LMO7: variants seen among roughly 807,000 people sequenced by gnomAD.
The protein encoded by LMO7 is LIM domain 7, also known as LIM domain only protein 7.
A neutral mutation model predicts 206.5 loss-of-function variants in LMO7; 120 were observed. That is an observed-to-expected ratio of 0.58 (90% CI 0.50 to 0.68). The LOEUF is 0.68. LMO7 is among the 30% of genes least tolerant of loss of function. LMO7 has a pLI of 0.00. For missense variants in LMO7, 1,959 were observed against 1,957.9 expected (o/e 1.00, Z -0.01); for synonymous variants, 706 against 681.5 (o/e 1.04, Z -0.56).
At chr13:75,709,338 G>A (rs61958144) in intron 1 of LMO7, among the ~76,000 whole-genome samples, 99 of 151,958 alleles carry the variant, frequency 6.5e-4, no homozygotes, top group African/African-American at 2.3e-3. Context: ...GGGTCAAATG[G>A]TATTTCTACT....
chr13:75,644,230 T>A (rs1307188233), intron 1 of LMO7, among the ~76,000 whole-genome samples: 3 of 152,148 alleles, frequency 2.0e-5, no homozygotes, highest in Non-Finnish European at 4.4e-5. Flanking sequence ...GCAAGTGCAT[T>A]ATACCCACAT....
intron 3 of LMO7, among the ~76,000 whole-genome samples, chr13:75,738,314 G>A (rs1251258246): frequency 3.9e-5 from 6 of 152,214 alleles, no homozygotes; most frequent in Admixed American, 2.0e-4. Context: ...TTCGGTGTCA[G>A]GGCAATGGAT....
chr13:75,666,201 T>C (rs1676033078), intron 1 of LMO7, among the ~76,000 whole-genome samples: 1 of 152,226 alleles, frequency 6.6e-6, no homozygotes, highest in Non-Finnish European at 1.5e-5. Context: ...GTTTAACCCA[T>C]TTATGCCTAG....
At chr13:75,716,651 A>G (rs1209115597) in intron 2 of LMO7, among the ~76,000 whole-genome samples, 4 of 152,078 alleles carry the variant, frequency 2.6e-5, no homozygotes, top group Non-Finnish European at 4.4e-5. Flanking sequence ...GTGTTCATTA[A>G]TCTGTCTTCT....
chr13:75,822,572 T>C (rs978132022), intron 14 of LMO7, among the ~76,000 whole-genome samples: 1 of 151,670 alleles, frequency 6.6e-6, no homozygotes, highest in Non-Finnish European at 1.5e-5. Context: ...GGGATTCAAA[T>C]GTCTGGTAAC....
chr13:75,803,566 A>G (rs565831139), intron 7 of LMO7, among the ~76,000 whole-genome samples: 1 of 152,278 alleles, frequency 6.6e-6, no homozygotes, highest in East Asian at 1.9e-4. Flanking sequence ...GCAGATTACT[A>G]TTTGTATCTA....
At chr13:75,717,052 C>T (rs1204753955) in intron 2 of LMO7, among the ~76,000 whole-genome samples, 9 of 151,864 alleles carry the variant, frequency 5.9e-5, no homozygotes, top group Admixed American at 5.9e-4. Context: ...CCTTTTTGAA[C>T]ACATGACTCA....
At chr13:75,697,235 T>C (rs936593613) in intron 1 of LMO7, among the ~76,000 whole-genome samples, 2 of 152,156 alleles carry the variant, frequency 1.3e-5, no homozygotes, top group Non-Finnish European at 2.9e-5. Flanking sequence ...AACAAACTCA[T>C]GTATTTGTAC....
rs750905108 is a variant in LMO7, at chr13:75,804,533, A to G, written c.906A>G (p.Thr302=). The G allele has an allele frequency of 7.4e-6, 12 of 1,613,644 alleles. No homozygotes were observed. In the African/African-American group the frequency reaches 1.1e-4, roughly 14 times the overall value. The part of the protein sequence containing the change: ...ASPVYTEADG[T]FSSNQRRIWG... ...CGGTTTATACAGAAGCAGATGGAAC[A>G]TTTTCAAGGTACTGAGATGGGTGTG... The change falls in exon 8 of 31, where the codon ACA becomes ACG. Residue 302 remains threonine (T), a synonymous_variant. Transcript: ENST00000377534.
chr13:75,774,088 T>C (rs2050081021), intron 4 of LMO7, among the ~76,000 whole-genome samples: 1 of 152,156 alleles, frequency 6.6e-6, no homozygotes, highest in Admixed American at 6.6e-5. Context: ...TTTCCAGCTT[T>C]ATTGTGGTAT....
chr13:75,841,960 A>C lies in LMO7; in HGVS notation c.4008A>C (p.Ser1336=). The C allele has an allele frequency of 6.2e-7, 1 of 1,611,964 alleles. No individual in the cohort carries two copies. Among genetic ancestry groups the C allele is most frequent in the Non-Finnish European group, 8.5e-7 (1 of 1,179,698 alleles). Residue 1336 remains serine (S), a synonymous_variant, in exon 24 of 31, where the codon TCA becomes TCC. Transcript: ENST00000377534. ...KRQAEIERET[S]VRIYQYRRPV... ...AGGCAGAGATAGAGCGGGAAACATCAGTCAGAATATACCAGTACAGGAGGT... is the reference window on the plus strand; with the variant it reads ...AGGCAGAGATAGAGCGGGAAACATCCGTCAGAATATACCAGTACAGGAGGT...
intron 1 of LMO7, among the ~76,000 whole-genome samples, chr13:75,651,152 G>C (rs1440073040): frequency 1.3e-5 from 2 of 152,160 alleles, no homozygotes; most frequent in Non-Finnish European, 2.9e-5. Context: ...TCTGGTAAAA[G>C]AATGTGGTTG....
At chr13:75,687,170 G>C (rs920850691) in intron 1 of LMO7, among the ~76,000 whole-genome samples, 1 of 152,172 alleles carries the variant, frequency 6.6e-6, no homozygotes, top group Non-Finnish European at 1.5e-5. Flanking sequence ...TTTTGTGACT[G>C]TTTCCAGGAT....
intron 11 of LMO7, among the ~76,000 whole-genome samples, chr13:75,815,605 A>T (rs528234841): frequency 6.6e-6 from 1 of 152,242 alleles, no homozygotes; most frequent in Non-Finnish European, 1.5e-5. Flanking sequence ...TATGAATGGC[A>T]TTTAAGAAGT....
At chr13:75,690,157 C>A (rs1192750759) in intron 1 of LMO7, among the ~76,000 whole-genome samples, 1 of 151,870 alleles carries the variant, frequency 6.6e-6, no homozygotes, top group Non-Finnish European at 1.5e-5. Flanking sequence ...CCAGTCTCCA[C>A]CTCCTGGCCT....
chr13:75,740,574 G>C (rs773990684), intron 3 of LMO7, among the ~76,000 whole-genome samples: 1 of 152,190 alleles, frequency 6.6e-6, no homozygotes, highest in Non-Finnish European at 1.5e-5. Flanking sequence ...AAGATCATTA[G>C]TGTCTGTTTT....
intron 3 of LMO7, among the ~76,000 whole-genome samples, chr13:75,727,909 A>G (rs2044647384): frequency 6.6e-6 from 1 of 151,960 alleles, no homozygotes; most frequent in South Asian, 2.1e-4. Context: ...GTTTACTGAG[A>G]ATGATGGTTT....
chr13:75,776,118 CAT>C (rs1566432937), intron 4 of LMO7, among the ~76,000 whole-genome samples: 6 of 66,786 alleles, frequency 9.0e-5, no homozygotes, highest in African/African-American at 2.0e-4. Context: ...TATATACATA[CAT>C]ACATACATAT....
intron 3 of LMO7, among the ~76,000 whole-genome samples, chr13:75,733,146 C>T (rs1329745074): frequency 6.6e-6 from 1 of 152,228 alleles, no homozygotes; most frequent in Non-Finnish European, 1.5e-5. Flanking sequence ...AACCACTGCT[C>T]TTTTCAAAGC....
Sources: gnomAD v4.1 joint callset for allele counts (sites outside exome capture counted in the v4.1 genomes callset) on GRCh38, gnomAD v4.1.1 for gene constraint, MANE v1.5 for transcripts, NCBI Gene and HGNC (gene_info 2026-07-23, HGNC 2026-07-21) for gene names.